SEMA6D: variants seen among roughly 807,000 people sequenced by gnomAD.
The protein encoded by SEMA6D is semaphorin 6D, also known as semaphorin-6D.
SEMA6D carries 35 observed loss-of-function variants against 106.6 expected under a neutral mutation model. The ratio of observed to expected loss-of-function variants is 0.33; its 90% CI spans 0.25 to 0.44. The LOEUF is 0.44. Among genes scored for constraint, SEMA6D ranks in the 20% least tolerant of loss-of-function variants. The pLI, the probability that SEMA6D is intolerant of heterozygous loss-of-function variation, is 1.00. For synonymous variants in SEMA6D, 499 were observed against 487.7 expected, an observed-to-expected ratio of 1.02 and a Z score of -0.31; for missense variants, 1,185 against 1,345.9, an observed-to-expected ratio of 0.88 and a Z score of 1.87.
intron 1 of SEMA6D, among the ~76,000 whole-genome samples, chr15:47,208,742 T>C (rs1895280632): frequency 1.3e-5 from 2 of 152,200 alleles, no homozygotes; most frequent in Admixed American, 1.3e-4. Context: ...TTTCTTCTTA[T>C]CATTGGGCAG....
chr15:47,256,523 G>C (rs2033810516), intron 1 of SEMA6D, among the ~76,000 whole-genome samples: 1 of 152,166 alleles, frequency 6.6e-6, no homozygotes, highest in Admixed American at 6.5e-5. Flanking sequence ...AAATTGTGTT[G>C]ATTGATGTGC....
At chr15:47,210,764 CAAA>C (rs34743184) in intron 1 of SEMA6D, among the ~76,000 whole-genome samples, 4 of 62,756 alleles carry the variant, frequency 6.4e-5, no homozygotes, top group Non-Finnish European at 1.2e-4. Flanking sequence ...GACTCCGTCT[CAAA>C]AAAAAAAAAA....
intron 3 of SEMA6D, among the ~76,000 whole-genome samples, chr15:47,594,459 G>A (rs954024324): frequency 1.3e-5 from 2 of 152,176 alleles, no homozygotes; most frequent in African/African-American, 4.8e-5. Context: ...ATTGTAAGTA[G>A]GTAGTTCATG....
chr15:47,268,516 T>C (rs1466982625), intron 1 of SEMA6D, among the ~76,000 whole-genome samples: 1 of 152,146 alleles, frequency 6.6e-6, no homozygotes, highest in African/African-American at 2.4e-5. Context: ...TAAATGGTAG[T>C]AGTGGGTTCA....
chr15:47,526,871 A>G (rs1028715759), intron 3 of SEMA6D, among the ~76,000 whole-genome samples: 9 of 151,800 alleles, frequency 5.9e-5, no homozygotes, highest in African/African-American at 2.2e-4. Context: ...CGAGTAGCTG[A>G]GATTACAGGC....
chr15:47,715,255 G>A (rs1183254338), upstream of SEMA6D, among the ~76,000 whole-genome samples: 3 of 152,110 alleles, frequency 2.0e-5, no homozygotes, highest in Non-Finnish European at 2.9e-5. Context: ...AGGGAGAGGG[G>A]GGAGTTAGAC....
At chr15:47,423,083 T>C (rs2041223105) in intron 2 of SEMA6D, among the ~76,000 whole-genome samples, 1 of 152,096 alleles carries the variant, frequency 6.6e-6, no homozygotes, top group Admixed American at 6.6e-5. Context: ...GCAGAGTTCC[T>C]GTTTCTTCCG....
In SEMA6D at chr15:47,343,248, T is replaced by TTTATTAGTATTATTA. The variant is rs1555425180; in HGVS notation, c.-238-69139_-238-69138insGTATTATTATTATTA. On this transcript the variant is annotated intron_variant, in intron 1 of 19. Coordinates refer to the SEMA6D transcript ENST00000558014. The stretch of plus-strand genomic sequence containing the variant: ...AAAAAAACGATGGATTAGTTGGATT[T>TTTATTAGTATTATTA]TTATTATTATTATTATTATTATTAT... 4.8e-5 allele frequency among the ~76,000 whole-genome samples: 7 copies of TTTATTAGTATTATTA among 146,146 alleles called. No homozygotes were observed. The East Asian group carries it at 1.4e-3, about 29-fold the overall frequency.
chr15:47,623,670 G>T (rs182344816), intron 4 of SEMA6D, among the ~76,000 whole-genome samples: 1 of 152,198 alleles, frequency 6.6e-6, no homozygotes, highest in East Asian at 1.9e-4. Context: ...CATGGGAAAA[G>T]GTACGGATGT....
chr15:47,373,499 A>G (rs1595857507), intron 1 of SEMA6D, among the ~76,000 whole-genome samples: 1 of 152,284 alleles, frequency 6.6e-6, no homozygotes, highest in East Asian at 1.9e-4. Flanking sequence ...TGGATGCTGG[A>G]GACCTGGAGT....
At chr15:47,597,310 A>T (rs2076556358) in intron 3 of SEMA6D, among the ~76,000 whole-genome samples, 1 of 152,112 alleles carries the variant, frequency 6.6e-6, no homozygotes, top group African/African-American at 2.4e-5. Context: ...AACTGTGGAC[A>T]TTCCTCAAAA....
chr15:47,551,299 C>T (rs752366175), intron 3 of SEMA6D, among the ~76,000 whole-genome samples: 52 of 152,132 alleles, frequency 3.4e-4, no homozygotes, highest in Middle Eastern at 3.4e-3. Flanking sequence ...AGTTATTCCT[C>T]AGTTCAGAGG....
chr15:47,624,154 A>G (rs942184969), intron 4 of SEMA6D, among the ~76,000 whole-genome samples: 4 of 152,144 alleles, frequency 2.6e-5, no homozygotes, highest in African/African-American at 9.7e-5. Context: ...AACGTTCTTC[A>G]TGCCCTTTTT....
chr15:47,342,792 C>T (rs1177508853), intron 1 of SEMA6D, among the ~76,000 whole-genome samples: 1 of 152,270 alleles, frequency 6.6e-6, no homozygotes, highest in East Asian at 1.9e-4. Context: ...CTCATTGCAA[C>T]ATCTGCCTCC....
chr15:47,702,552 G>A (rs1031017386), intron 4 of SEMA6D, among the ~76,000 whole-genome samples: 1 of 152,100 alleles, frequency 6.6e-6, no homozygotes, highest in Non-Finnish European at 1.5e-5. Flanking sequence ...TTATGTCCAC[G>A]CAAAAACTTG....
intron 1 of SEMA6D, among the ~76,000 whole-genome samples, chr15:47,754,605 G>T (rs1006375936): frequency 6.6e-6 from 1 of 152,082 alleles, no homozygotes. Context: ...ACTATGATGT[G>T]TCTAACTTTA....
chr15:47,698,913 C>T (rs2078754484), intron 4 of SEMA6D, among the ~76,000 whole-genome samples: 1 of 152,114 alleles, frequency 6.6e-6, no homozygotes, highest in Non-Finnish European at 1.5e-5. Flanking sequence ...TCATAACCTA[C>T]CACCACCATT....
Position 47,770,936 on chromosome 15 carries a change from C to T in SEMA6D, c.2373C>T (p.His791=). ...HQKTLQAMKS[H]SEKAHGHGAS... ...AGACCCTGCAGGCCATGAAGAGCCA[C>T]TCAGAAAAGGCCCATGGCCATGGAG... The change falls in exon 19 of 19, where the codon CAC becomes CAT. Residue 791 remains histidine, a synonymous_variant. Coordinates refer to ENST00000536845, the MANE Select transcript of SEMA6D (RefSeq NM_001358351.3). 1 of 1,614,092 alleles carries T rather than the reference C, an allele frequency of 6.2e-7. No individual in the cohort carries two copies. Among genetic ancestry groups the T allele is most frequent in the Non-Finnish European group, 8.5e-7 (1 of 1,180,002 alleles).
intron 3 of SEMA6D, among the ~76,000 whole-genome samples, chr15:47,497,331 TC>T (rs759459230): frequency 6.6e-6 from 1 of 152,008 alleles, no homozygotes; most frequent in Non-Finnish European, 1.5e-5. Context: ...TTTTTTTTTT[TC>T]CTCAAGCTTT....
Sources: gnomAD v4.1 joint callset for allele counts (sites outside exome capture counted in the v4.1 genomes callset) on GRCh38, gnomAD v4.1.1 for gene constraint, MANE v1.5 for transcripts, NCBI Gene and HGNC (gene_info 2026-07-23, HGNC 2026-07-21) for gene names.